GALNTL6: variants seen among roughly 807,000 people sequenced by gnomAD.
The protein encoded by GALNTL6 is polypeptide N-acetylgalactosaminyltransferase like 6, also known as polypeptide N-acetylgalactosaminyltransferase-like 6.
GALNTL6 carries 46 observed loss-of-function variants against 73.7 expected under a neutral mutation model. That is an observed-to-expected ratio of 0.62 (90% CI 0.49 to 0.80). GALNTL6 has a LOEUF of 0.80. GALNTL6 is among the 30% of genes least tolerant of loss of function. The pLI is 0.00. For synonymous variants in GALNTL6, 259 were observed against 263.7 expected, an observed-to-expected ratio of 0.98 and a Z score of 0.17; for missense variants, 604 against 755.0, an observed-to-expected ratio of 0.80 and a Z score of 2.34.
chr4:172,782,987 G>A (rs570387518), intron 5 of GALNTL6, among the ~76,000 whole-genome samples: 111 of 151,946 alleles, frequency 7.3e-4, no homozygotes, highest in Admixed American at 1.4e-3. Flanking sequence ...CACAGTAATT[G>A]GCAGTTACAA....
chr4:173,011,100 G>T (rs1440530602), intron 11 of GALNTL6, among the ~76,000 whole-genome samples: 2 of 152,128 alleles, frequency 1.3e-5, no homozygotes, highest in Non-Finnish European at 2.9e-5. Flanking sequence ...GCATTTCTTT[G>T]ATGATCGATA....
At chr4:172,055,028 C>G (rs1730981993) in intron 2 of GALNTL6, among the ~76,000 whole-genome samples, 1 of 152,064 alleles carries the variant, frequency 6.6e-6, no homozygotes, top group Admixed American at 6.6e-5. Flanking sequence ...CTTATGGGTC[C>G]AGAGCATTAG....
At chr4:172,470,797 T>A (rs1299733310) in intron 5 of GALNTL6, among the ~76,000 whole-genome samples, 1 of 152,176 alleles carries the variant, frequency 6.6e-6, no homozygotes, top group African/African-American at 2.4e-5. Flanking sequence ...AGTATCTCTA[T>A]ACATGAGATA....
intron 5 of GALNTL6, among the ~76,000 whole-genome samples, chr4:172,500,807 T>C (rs1225583245): frequency 2.0e-5 from 3 of 152,210 alleles, no homozygotes; most frequent in Admixed American, 2.0e-4. Flanking sequence ...TATGAGTGTC[T>C]TAAATCATAT....
Position 172,809,376 on chromosome 4 carries a change from A to G in GALNTL6, c.569A>G (p.Lys190Arg), listed in dbSNP as rs777209311. Residue 190 changes from lysine (K) to arginine (R), a missense_variant, in exon 6 of 13, where the codon AAA (lysine) becomes AGA (arginine). Physicochemically the swap from Lys to Arg is conservative, Grantham distance 26. This residue lies in a region of GALNTL6 where 179 missense variants were observed against 230.8 expected (regional missense o/e 0.78). Transcript: ENST00000506823. This position sits in a 1 kb window ranked among gnomAD's most constrained non-coding sequence, Gnocchi z 4.4. ...DFSEREHLKD[K>R]LEEYMARFSK... ...TCCTACCTAGAACACCTGAAGGATAAATTGGAAGAATACATGGCCCGATTT... is the reference window on the plus strand; with the variant it reads ...TCCTACCTAGAACACCTGAAGGATAGATTGGAAGAATACATGGCCCGATTT... The G allele has an allele frequency of 6.2e-7, 1 of 1,613,676 alleles. No individual in the cohort carries two copies. Among genetic ancestry groups the G allele is most frequent in the East Asian group, 2.2e-5 (1 of 44,870 alleles).
At chr4:171,930,761 G>T (rs1167712431) in intron 2 of GALNTL6, among the ~76,000 whole-genome samples, 1 of 152,176 alleles carries the variant, frequency 6.6e-6, no homozygotes, top group East Asian at 1.9e-4. Context: ...CTTGAACCCA[G>T]GAGGCAGAGG....
intron 2 of GALNTL6, among the ~76,000 whole-genome samples, chr4:172,215,853 C>T (rs1189857135): frequency 6.6e-6 from 1 of 152,108 alleles, no homozygotes; most frequent in Non-Finnish European, 1.5e-5. Context: ...CTTTCATAGG[C>T]ATCAATTACA....
chr4:172,057,715 AAAAAAAAAAAAAATATATAT>A (rs1212016989), intron 2 of GALNTL6, among the ~76,000 whole-genome samples: 12 of 104,896 alleles, frequency 1.1e-4, no homozygotes, highest in South Asian at 7.0e-4. Flanking sequence ...AAAAAAAAAA[AAAAAAAAAAAAAATATATAT>A]ATATATATAT....
At chr4:172,317,109 A>C (rs903709958) in intron 4 of GALNTL6, among the ~76,000 whole-genome samples, 1 of 152,222 alleles carries the variant, frequency 6.6e-6, no homozygotes, top group African/African-American at 2.4e-5. Context: ...AGTAGTACAT[A>C]CTTACAAGTA....
At chr4:172,239,410 T>A (rs1180547095) in intron 3 of GALNTL6, among the ~76,000 whole-genome samples, 1 of 152,200 alleles carries the variant, frequency 6.6e-6, no homozygotes, top group Non-Finnish European at 1.5e-5. Context: ...TCTGAAGATT[T>A]TTTGTATTTC....
chr4:172,943,934 A>G (rs1015188224), intron 9 of GALNTL6, among the ~76,000 whole-genome samples: 2 of 152,236 alleles, frequency 1.3e-5, no homozygotes, highest in East Asian at 3.8e-4. Context: ...TTAGATGTTC[A>G]TATCCAGAGA....
At chr4:173,005,270 C>A (rs1196834194) in intron 10 of GALNTL6, among the ~76,000 whole-genome samples, 1 of 152,194 alleles carries the variant, frequency 6.6e-6, no homozygotes, top group Non-Finnish European at 1.5e-5. Context: ...CCATTCCTAG[C>A]CAAGCACTGC....
At chr4:172,011,675 G>T (rs1741012119) in intron 2 of GALNTL6, among the ~76,000 whole-genome samples, 1 of 151,904 alleles carries the variant, frequency 6.6e-6, no homozygotes, top group Admixed American at 6.6e-5. Flanking sequence ...TCTAGTTACA[G>T]AATCTTATAA....
chr4:173,028,468 C>A (rs1753322555), intron 12 of GALNTL6, among the ~76,000 whole-genome samples: 1 of 152,080 alleles, frequency 6.6e-6, no homozygotes, highest in Non-Finnish European at 1.5e-5. Context: ...GTTGGAATTT[C>A]CCCCTCTTTC....
chr4:172,658,169 A>AAAAAAAAAG (rs1560861849), intron 5 of GALNTL6, among the ~76,000 whole-genome samples: 6 of 122,706 alleles, frequency 4.9e-5, no homozygotes, highest in African/African-American at 1.5e-4. Flanking sequence ...AAAAAAAAAA[A>AAAAAAAAAG]GAAATATCTT....
At chr4:171,906,932 C>G (rs1158318263) in intron 2 of GALNTL6, among the ~76,000 whole-genome samples, 2 of 152,072 alleles carry the variant, frequency 1.3e-5, no homozygotes, top group African/African-American at 4.8e-5. Flanking sequence ...AGCCCTTTGG[C>G]AAAATTCAAC....
chr4:172,231,742 C>CT (rs1264082937), intron 3 of GALNTL6, among the ~76,000 whole-genome samples: 1 of 152,078 alleles, frequency 6.6e-6, no homozygotes, highest in Non-Finnish European at 1.5e-5. Flanking sequence ...CTAATGATAA[C>CT]TGTAATTATT....
At chr4:172,933,667 A>G (rs779278502) in intron 9 of GALNTL6, among the ~76,000 whole-genome samples, 11 of 152,234 alleles carry the variant, frequency 7.2e-5, no homozygotes, top group Admixed American at 2.6e-4. Flanking sequence ...GTACATTAAA[A>G]TGAAAAACAA....
At chr4:172,503,570 G>T (rs1213232575) in intron 5 of GALNTL6, among the ~76,000 whole-genome samples, 1 of 111,220 alleles carries the variant, frequency 9.0e-6, no homozygotes, top group Non-Finnish European at 1.8e-5. Context: ...TTTGTGAAAA[G>T]ACTTGTGGTT....
Sources: gnomAD v4.1 joint callset for allele counts (sites outside exome capture counted in the v4.1 genomes callset) on GRCh38, gnomAD v4.1.1 for gene constraint, gnomAD v4.1.1 regional missense constraint, Gnocchi (gnomAD v3.1) non-coding constraint, MANE v1.5 for transcripts, NCBI Gene and HGNC (gene_info 2026-07-23, HGNC 2026-07-21) for gene names.